The following RFWD3 variants were observed in gnomAD, a reference collection of about 807,000 sequenced individuals.
RFWD3 encodes ring finger and WD repeat domain 3, also known as E3 ubiquitin-protein ligase RFWD3.
Under a neutral mutation model 87.7 loss-of-function variants are expected in RFWD3, and 65 were observed. That is an observed-to-expected ratio of 0.74 (90% CI 0.61 to 0.91). The LOEUF is 0.91. Among genes scored for constraint, RFWD3 ranks in the 40% least tolerant of loss-of-function variants. The pLI is 0.00. For synonymous variants in RFWD3, 433 were observed against 352.8 expected (o/e 1.23, Z -2.55); for missense variants, 1,078 against 938.5 (o/e 1.15, Z -1.94).
In RFWD3 at chr16:74,626,337, G is replaced by A. The variant is rs1488851242; in HGVS notation, c.2181+6C>T. 6 of 1,611,586 alleles carry A rather than the reference G, an allele frequency of 3.7e-6. No individual in the cohort carries two copies. The Admixed American group carries it at 6.7e-5, about 18-fold the overall frequency. ...TTATATGAAAGTAAAAAAGTAACAG[G>A]CTCACCAGGGCAGAATTTGCTGCTT... On this transcript the variant is annotated splice_donor_region_variant and intron_variant, in intron 12 of 12. Coordinates refer to ENST00000361070, the MANE Select transcript of RFWD3 (RefSeq NM_018124.4).
intron 2 of RFWD3, among the ~76,000 whole-genome samples, chr16:74,652,837 C>T (rs1420806543): frequency 6.6e-6 from 1 of 152,074 alleles, no homozygotes; most frequent in Non-Finnish European, 1.5e-5. Context: ...ACTTTTGTCA[C>T]AGAATTAATG....
At chr16:74,632,760 A>C in intron 8 of RFWD3, 87 bp from the exon 9 acceptor site, 2 of 1,258,664 alleles carry the variant, frequency 1.6e-6, no homozygotes, top group Non-Finnish European at 2.2e-6. Context: ...TCCTTCGTCC[A>C]CCTTTCTTGG....
At position 74,651,912 on chromosome 16, in the gene RFWD3, A is replaced by T. The variant is rs751984728; in HGVS notation, c.721+8T>A. On this transcript the variant is annotated splice_region_variant and intron_variant, in intron 3 of 12. Coordinates refer to ENST00000361070, the MANE Select transcript of RFWD3 (RefSeq NM_018124.4). ...CCTTGTGAGTCCAAACCTGGGTAAA[A>T]TACTGACCTTCTAAAATGACAGCTC... is the stretch of plus-strand genomic sequence containing the variant. The T allele has an allele frequency of 6.2e-7, 1 of 1,613,616 alleles. No individual in the cohort carries two copies. The highest frequency in any genetic ancestry group is 2.2e-5 in the East Asian group (1 of 44,878).
chr16:74,642,917 G>C (rs1183491464), intron 6 of RFWD3, among the ~76,000 whole-genome samples: 1 of 152,162 alleles, frequency 6.6e-6, no homozygotes, highest in East Asian at 1.9e-4. Context: ...TTTCTAATGA[G>C]GCTGGAGAGT....
intron 6 of RFWD3, among the ~76,000 whole-genome samples, chr16:74,643,538 T>C (rs1490770724): frequency 6.6e-6 from 1 of 152,140 alleles, no homozygotes; most frequent in Non-Finnish European, 1.5e-5. Context: ...TCCAAGGATG[T>C]CTCAAAATGA....
intron 2 of RFWD3, among the ~76,000 whole-genome samples, chr16:74,658,512 A>C (rs895050785): frequency 6.6e-6 from 1 of 152,202 alleles, no homozygotes; most frequent in Admixed American, 6.5e-5. Context: ...AATGTCAAAC[A>C]CCACACTGAG....
At chr16:74,652,749 A>T (rs948267557) in intron 2 of RFWD3, among the ~76,000 whole-genome samples, 4 of 152,366 alleles carry the variant, frequency 2.6e-5, no homozygotes, top group African/African-American at 9.6e-5. Context: ...AGTTTAAAAT[A>T]ACCACTACTG....
intron 1 of RFWD3, among the ~76,000 whole-genome samples, chr16:74,661,982 ACTTTATC>A (rs1056223429): frequency 6.6e-5 from 10 of 152,092 alleles, no homozygotes; most frequent in Non-Finnish European, 1.0e-4. Context: ...GGCTGAGCAA[ACTTTATC>A]CTATCCCTTT....
In RFWD3 at chr16:74,637,919, T is replaced by G. The variant is rs1959288591; in HGVS notation, c.1131A>C (p.Ala377=). The G allele has an allele frequency of 6.2e-7, 1 of 1,612,636 alleles. No individual in the cohort carries two copies. Among genetic ancestry groups the G allele is most frequent in the Non-Finnish European group, 8.5e-7 (1 of 1,179,834 alleles). The change falls in exon 7 of 13, where the codon GCA becomes GCC. Residue 377 remains alanine (A), a synonymous_variant. Coordinates refer to ENST00000361070, the MANE Select transcript of RFWD3 (RefSeq NM_018124.4). ...GGACCTGCAGTTGGAGTCGGCACTG[T>G]GCTGATTCTAACTCGGCCTGTTTCC... ...MLRKQAELES[A]QCRLQLQVLT...
intron 10 of RFWD3, among the ~76,000 whole-genome samples, chr16:74,629,249 T>G (rs1959020360): frequency 6.6e-6 from 1 of 151,490 alleles, no homozygotes; most frequent in East Asian, 1.9e-4. Context: ...CGTGCCAAAG[T>G]TGCCAAAGTG....
At position 74,644,706 on chromosome 16, in the gene RFWD3, T is replaced by C; in HGVS notation, c.822A>G (p.Leu274=). Residue 274 remains leucine, a synonymous_variant, in exon 5 of 13, where the codon CTA becomes CTG. Coordinates refer to ENST00000361070, the MANE Select transcript of RFWD3 (RefSeq NM_018124.4). ...CTTCCTCATCCATAGAAGCAGAAGG[T>C]AGCAGAGGCTCAGACTTCTGGGGAG... ...QPSPQKSEPL[L]PSASMDEEEG... is the part of the protein sequence containing the mutation. The C allele has an allele frequency of 6.2e-7, 1 of 1,614,142 alleles. No individual in the cohort carries two copies. Among genetic ancestry groups the C allele is most frequent in the Non-Finnish European group, 8.5e-7 (1 of 1,179,994 alleles).
intron 6 of RFWD3, among the ~76,000 whole-genome samples, chr16:74,643,033 T>C (rs1959794718): frequency 6.6e-6 from 1 of 152,216 alleles, no homozygotes; most frequent in African/African-American, 2.4e-5. Flanking sequence ...TCTGTACACA[T>C]CTTCCATTAT....
intron 6 of RFWD3, among the ~76,000 whole-genome samples, chr16:74,641,928 C>CAAAAAAAA (rs71158533): frequency 3.8e-5 from 2 of 52,488 alleles, no homozygotes; most frequent in African/African-American, 8.0e-5. Flanking sequence ...ACTCCGTCTC[C>CAAAAAAAA]AAAAAAAAAA....
chr16:74,660,742 A>G, intron 2 of RFWD3, 190 bp downstream of exon 2: 1 of 607,622 alleles, frequency 1.6e-6, no homozygotes, highest in Admixed American at 3.2e-5. Context: ...TTCAAGGCAC[A>G]ACAGTTTAAC....
intron 2 of RFWD3, among the ~76,000 whole-genome samples, chr16:74,653,318 C>T (rs1374360840): frequency 4.0e-5 from 6 of 151,814 alleles, no homozygotes; most frequent in African/African-American, 1.5e-4. Flanking sequence ...GCCTGGGTAT[C>T]AGAGTGAGAC....
chr16:74,644,473 A>G lies in RFWD3; in HGVS notation c.988-20T>C, dbSNP rs759606092. On this transcript the variant is annotated intron_variant, in intron 5 of 12. Transcript: ENST00000361070. Reference sequence around the variant, plus strand: ...GTTGCACTAAAGAACCCAATAGGACATAATTAGAGTGGTTCTAGGAATCTG... The same window carrying G: ...GTTGCACTAAAGAACCCAATAGGACGTAATTAGAGTGGTTCTAGGAATCTG... 3 of 1,614,218 alleles carry G rather than the reference A, an allele frequency of 1.9e-6. No homozygotes were observed. The highest frequency in any genetic ancestry group is 1.1e-5 in the South Asian group (1 of 91,084).
At chr16:74,626,244 T>C (rs1193769333) in intron 12 of RFWD3, 99 bp downstream of exon 12, 4 of 1,024,588 alleles carry the variant, frequency 3.9e-6, no homozygotes, top group Non-Finnish European at 6.1e-6. Flanking sequence ...TTACACTTTT[T>C]TGCTATATGA....
chr16:74,641,928 CAAAAAAAAAAAAAAAA>C (rs71158533), intron 6 of RFWD3, among the ~76,000 whole-genome samples: 5 of 52,474 alleles, frequency 9.5e-5, no homozygotes, highest in African/African-American at 3.2e-4. Flanking sequence ...ACTCCGTCTC[CAAAAAAAAAAAAAAAA>C]AAAAAAAAAA....
rs1961654420 is a variant in RFWD3 at position 74,663,760 on chromosome 16, A to G, written c.-2-2309T>C. Among the ~76,000 whole-genome samples, 3 of 152,356 alleles carry G rather than the reference A, an allele frequency of 2.0e-5. No homozygotes were observed. The South Asian group carries it at 6.2e-4, about 32-fold the overall frequency. On this transcript the variant is annotated intron_variant, in intron 1 of 12. Transcript: ENST00000361070. Reference sequence around the variant, plus strand: ...CTGATGATTGATGACTGCTTAGCAGAGCCAAAAGATAAAACTCAAAGCCTG... The same window carrying G: ...CTGATGATTGATGACTGCTTAGCAGGGCCAAAAGATAAAACTCAAAGCCTG...
Sources: allele counts gnomAD v4.1 joint callset (sites outside exome capture counted in the v4.1 genomes callset), GRCh38; gene constraint gnomAD v4.1.1; transcripts MANE v1.5; gene names NCBI Gene and HGNC (gene_info 2026-07-23, HGNC 2026-07-21).